Variants in DIP2C observed in about 807,000 individuals in gnomAD.
The protein encoded by DIP2C is disco-interacting protein 2 homolog C.
DIP2C carries 33 observed loss-of-function variants against 192.4 expected under a neutral mutation model. That is an observed-to-expected ratio of 0.17 (90% confidence interval 0.13 to 0.23). The LOEUF is 0.23. DIP2C is among the 10% of genes least tolerant of loss of function. The pLI is 1.00. For missense variants in DIP2C, 1,537 were observed against 2,110.1 expected (o/e 0.73, Z 5.32); for synonymous variants, 979 against 864.1 (o/e 1.13, Z -2.33).
At chr10:410,093 C>A (rs1414556139) in intron 8 of DIP2C, among the ~76,000 whole-genome samples, 1 of 152,204 alleles carries the variant, frequency 6.6e-6, no homozygotes, top group Non-Finnish European at 1.5e-5. Flanking sequence ...CAACACAGTG[C>A]AAATTAAAAC....
At chr10:486,558 T>C (rs958056828) in intron 1 of DIP2C, 28 bp from the exon 2 acceptor site, 9 of 1,589,694 alleles carry the variant, frequency 5.7e-6, no homozygotes, top group Non-Finnish European at 7.7e-6. Context: ...TGAAGTTCAG[T>C]ATGGTCTCCG....
intron 4 of DIP2C, among the ~76,000 whole-genome samples, chr10:439,982 T>C (rs1187227465): frequency 1.3e-5 from 2 of 152,190 alleles, no homozygotes; most frequent in Non-Finnish European, 2.9e-5. Context: ...AGCTTGCAAC[T>C]GTCACATGAA....
intron 2 of DIP2C, among the ~76,000 whole-genome samples, chr10:475,161 C>T (rs945847861): frequency 6.6e-6 from 1 of 152,194 alleles, no homozygotes; most frequent in African/African-American, 2.4e-5. Flanking sequence ...AGATAACACA[C>T]ATGGCTGGGA....
At chr10:579,525 C>T (rs1850441243) in intron 1 of DIP2C, among the ~76,000 whole-genome samples, 1 of 151,914 alleles carries the variant, frequency 6.6e-6, no homozygotes, top group South Asian at 2.1e-4. Flanking sequence ...AGAGAGCATA[C>T]ACACATCCAG....
rs375956855 is a variant in DIP2C at position 648,802 on chromosome 10, A to G, written c.85+40692T>C. Among the ~76,000 whole-genome samples, 34 of 149,766 alleles carry G rather than the reference A, an allele frequency of 2.3e-4. 1 individual carries two copies. The East Asian group carries it at 5.9e-3, about 26-fold the overall frequency. ...ACGTCCACATTTGACGGTGGGAGAG[A>G]ACAGAGGGAAACTGAGTCCACGTCC... On this transcript the variant is annotated intron_variant, in intron 1 of 36. Transcript: ENST00000280886.
At chr10:681,018 C>G (rs1349175436) in intron 1 of DIP2C, among the ~76,000 whole-genome samples, 2 of 151,422 alleles carry the variant, frequency 1.3e-5, no homozygotes, top group East Asian at 3.9e-4. Context: ...GGAATGCAGG[C>G]CCCAGTTGCA....
intron 1 of DIP2C, among the ~76,000 whole-genome samples, chr10:598,120 T>TC (rs1479328978): frequency 6.6e-6 from 1 of 152,078 alleles, no homozygotes; most frequent in Non-Finnish European, 1.5e-5. Context: ...GATCACGGCC[T>TC]CCCACGAGGA....
At chr10:405,926 TC>T (rs1964772444) in intron 9 of DIP2C, among the ~76,000 whole-genome samples, 2 of 152,176 alleles carry the variant, frequency 1.3e-5, no homozygotes, top group South Asian at 2.1e-4. Flanking sequence ...TCTTTTCTCC[TC>T]GAGAGCCCTT....
Position 510,695 on chromosome 10 carries a change from TGA to T in DIP2C, c.86-24167_86-24166del, listed in dbSNP as rs755889600. Reference sequence around the variant, plus strand: ...TAGAAGCAAAAGAAGCTGACACCCCTGAGAGAGCAGCTGACTGCATCTCACTG... The same window carrying T: ...TAGAAGCAAAAGAAGCTGACACCCCTGAGAGCAGCTGACTGCATCTCACTG... On this transcript the variant is annotated intron_variant, in intron 1 of 36. Coordinates refer to ENST00000280886, the MANE Select transcript of DIP2C (RefSeq NM_014974.3). 1.6e-4 allele frequency among the ~76,000 whole-genome samples: 24 copies of T among 152,302 alleles called. No homozygotes were observed. The South Asian group carries it at 4.3e-3, about 28-fold the overall frequency.
At chr10:505,583 T>A (rs1415859887) in intron 1 of DIP2C, among the ~76,000 whole-genome samples, 2 of 151,644 alleles carry the variant, frequency 1.3e-5, no homozygotes, top group Non-Finnish European at 2.9e-5. Flanking sequence ...TGGGTGCCCC[T>A]GACCCCACAG....
chr10:421,258 A>G (rs1008923889), intron 5 of DIP2C, among the ~76,000 whole-genome samples: 2 of 152,222 alleles, frequency 1.3e-5, no homozygotes, highest in African/African-American at 4.8e-5. Flanking sequence ...GTTTGGATAC[A>G]TTCTTTGTAC....
chr10:621,152 G>A (rs1853820920), intron 1 of DIP2C, among the ~76,000 whole-genome samples: 1 of 152,140 alleles, frequency 6.6e-6, no homozygotes, highest in Non-Finnish European at 1.5e-5. Flanking sequence ...CAGGCACAGG[G>A]CCGCCCGACG....
intron 1 of DIP2C, among the ~76,000 whole-genome samples, chr10:575,023 T>C (rs2131547347): frequency 6.6e-6 from 1 of 152,258 alleles, no homozygotes; most frequent in East Asian, 1.9e-4. Flanking sequence ...GCCTAGGAGA[T>C]GCCAGGCGCT....
Position 369,616 on chromosome 10 carries a change from T to C in DIP2C, c.2009A>G (p.Asn670Ser). Reference sequence around the variant, plus strand: ...GAGGACACCCCGGCCCGGGGGCTGGTTACTGTCATCCGTGGGCCTGTAATG... The same window carrying C: ...GAGGACACCCCGGCCCGGGGGCTGGCTACTGTCATCCGTGGGCCTGTAATG... ...VAIRRPTDDS[N>S]QPPGRGVLSM... The change falls in exon 18 of 37, where the codon AAC becomes AGC. Residue 670 changes from asparagine to serine, a missense_variant. Physicochemically the swap from Asn to Ser is conservative, Grantham distance 46 (BLOSUM62 1). This residue lies in a region of DIP2C where 677 missense variants were observed against 989.9 expected (regional missense o/e 0.68). Transcript: ENST00000280886. 6.2e-7 allele frequency: 1 copy of C among 1,614,080 alleles called. No individual in the cohort carries two copies. Among genetic ancestry groups the C allele is most frequent in the Non-Finnish European group, 8.5e-7 (1 of 1,179,986 alleles).
chr10:426,499 G>A (rs1277318205), intron 4 of DIP2C, among the ~76,000 whole-genome samples: 3 of 152,184 alleles, frequency 2.0e-5, no homozygotes, highest in Non-Finnish European at 2.9e-5. Flanking sequence ...GAAATTGAAA[G>A]CTTATTCTCA....
intron 31 of DIP2C, among the ~76,000 whole-genome samples, chr10:324,452 G>A (rs761330927): frequency 6.6e-6 from 1 of 152,172 alleles, no homozygotes; most frequent in Non-Finnish European, 1.5e-5. Flanking sequence ...AGCTCGCATT[G>A]CTTTGTACAT....
chr10:494,705 A>C (rs1212829654), intron 1 of DIP2C, among the ~76,000 whole-genome samples: 1 of 152,238 alleles, frequency 6.6e-6, no homozygotes, highest in Non-Finnish European at 1.5e-5. Flanking sequence ...TGCCCATGTC[A>C]GGGGAACCAA....
intron 28 of DIP2C, among the ~76,000 whole-genome samples, chr10:343,055 C>T (rs1436229786): frequency 1.8e-4 from 28 of 152,106 alleles, no homozygotes; most frequent in Non-Finnish European, 1.0e-4. Flanking sequence ...TTTGGGAGGC[C>T]GAGGCGGGCA....
At chr10:610,345 C>T (rs1853001303) in intron 1 of DIP2C, among the ~76,000 whole-genome samples, 1 of 152,210 alleles carries the variant, frequency 6.6e-6, no homozygotes. Flanking sequence ...GGCACAAACA[C>T]ACAGCCTGAC....
Sources: allele counts gnomAD v4.1 joint callset (sites outside exome capture counted in the v4.1 genomes callset), GRCh38; gene constraint gnomAD v4.1.1; regional missense constraint gnomAD v4.1.1; transcripts MANE v1.5; gene names NCBI Gene and HGNC (gene_info 2026-07-23, HGNC 2026-07-21).